MYO1B: variants seen among roughly 807,000 people sequenced by gnomAD.
MYO1B encodes unconventional myosin-Ib.
Under a neutral mutation model 159.7 loss-of-function variants are expected in MYO1B, and 72 were observed. The ratio of observed to expected loss-of-function variants is 0.45; its 90% confidence interval spans 0.37 to 0.55. The LOEUF (loss-of-function observed/expected upper bound fraction) is 0.55. MYO1B is among the 20% of genes least tolerant of loss of function. The pLI is 0.00. For missense variants in MYO1B, 1,062 were observed against 1,364.8 expected (o/e 0.78, Z 3.50); for synonymous variants, 468 against 473.8 (o/e 0.99, Z 0.16).
chr2:191,314,311 T>C (rs964981287), intron 3 of MYO1B, among the ~76,000 whole-genome samples: 1 of 152,370 alleles, frequency 6.6e-6, no homozygotes, highest in African/African-American at 2.4e-5. Context: ...TTTGGTTTAT[T>C]ATCAATAAAG....
chr2:191,326,768 A>ATGTGTG (rs1401808572), intron 3 of MYO1B, among the ~76,000 whole-genome samples: 19 of 109,122 alleles, frequency 1.7e-4, no homozygotes, highest in Admixed American at 9.3e-4. Flanking sequence ...GTGTTTGTAT[A>ATGTGTG]TATGTGTGTG....
intron 28 of MYO1B, 106 bp from the exon 29 acceptor site, chr2:191,414,411 G>A: frequency 8.8e-7 from 1 of 1,134,646 alleles, no homozygotes; most frequent in Middle Eastern, 2.4e-4. Context: ...ACATAGGTAT[G>A]TTTGTTGAAG....
Position 191,385,989 on chromosome 2 carries a change from C to T in MYO1B, c.1459C>T (p.Gln487Ter), listed in dbSNP as rs1462867425. 2 of 1,614,002 alleles carry T rather than the reference C, an allele frequency of 1.2e-6. No homozygotes were observed. Among genetic ancestry groups the T allele is most frequent in the African/African-American group, 1.3e-5 (1 of 74,914 alleles). ...GCTGAACCAAGTATGTGCCACCCAC[C>T]AGCATTTTGAGAGCAGGATGAGCAA... is the stretch of plus-strand genomic sequence containing the variant. ...EKLNQVCATH[Q>*]HFESRMSKCS... The change falls in exon 16 of 31, where the codon CAG (glutamine) becomes TAG (stop). Residue 487 changes from glutamine to a stop codon, truncating the protein, a stop_gained. Transcript: ENST00000392318. LOFTEE classifies it high-confidence loss of function.
At position 191,303,834 on chromosome 2, in the gene MYO1B, G is replaced by A. The variant is rs185225804; in HGVS notation, c.251+7608G>A. Among the ~76,000 whole-genome samples, 100 of 152,288 alleles carry A rather than the reference G, an allele frequency of 6.6e-4. 1 individual carries two copies. The East Asian group carries it at 0.013, about 20-fold the overall frequency. On this transcript the variant is annotated intron_variant, in intron 3 of 30. Coordinates refer to ENST00000392318, the MANE Select transcript of MYO1B (RefSeq NM_001130158.3). ...GCATCTGTCCAGGCCTCAGATCTACGCAAGTAGCTTGTACAGAAGGGGATT... is the reference window on the plus strand; with the variant it reads ...GCATCTGTCCAGGCCTCAGATCTACACAAGTAGCTTGTACAGAAGGGGATT...
rs1176849518 is a variant in MYO1B, at chr2:191,329,943, T to C, written c.260T>C (p.Leu87Pro). 6 of 1,610,594 alleles carry C rather than the reference T, an allele frequency of 3.7e-6. No individual in the cohort carries two copies. Among genetic ancestry groups the C allele is most frequent in the Non-Finnish European group, 3.4e-6 (4 of 1,178,052 alleles). The part of the protein sequence containing the change: ...FYELSPHIFA[L>P]SDEAYRSLRD... ...TCCATTATCCCCTGCAGCTTTGCCC[T>C]TTCGGATGAAGCATACAGATCCCTA... Residue 87 changes from leucine to proline, a missense_variant, in exon 4 of 31, where the codon CTT becomes CCT. Physicochemically the swap from Leu to Pro is moderately conservative, Grantham distance 98 (BLOSUM62 -3). Transcript: ENST00000392318.
chr2:191,263,328 A>G (rs1686937410), intron 1 of MYO1B: 1 of 985,146 alleles, frequency 1.0e-6, no homozygotes, highest in Non-Finnish European at 1.2e-6. Context: ...TCTCTTTCAT[A>G]TGAACTGAAG....
chr2:191,329,685 T>C (rs1163135733), intron 3 of MYO1B, among the ~76,000 whole-genome samples: 1 of 149,088 alleles, frequency 6.7e-6, no homozygotes, highest in African/African-American at 2.4e-5. Flanking sequence ...ATATAAAAAA[T>C]AAAGCATATC....
chr2:191,272,802 C>G (rs1687532815), intron 1 of MYO1B, among the ~76,000 whole-genome samples: 1 of 152,216 alleles, frequency 6.6e-6, no homozygotes, highest in African/African-American at 2.4e-5. Context: ...CACTATTTCA[C>G]TATTAAATAG....
chr2:191,381,545 G>T lies in MYO1B; in HGVS notation c.1269G>T (p.Glu423Asp). The T allele has an allele frequency of 6.2e-7, 1 of 1,611,902 alleles. No individual in the cohort carries two copies. The highest frequency in any genetic ancestry group is 8.5e-7 in the Non-Finnish European group (1 of 1,178,648). Residue 423 changes from glutamate to aspartate, a missense_variant, in exon 14 of 31, where the codon GAG becomes GAT. This residue lies in a region of MYO1B where 415 missense variants were observed against 544.0 expected (regional missense o/e 0.76). Coordinates refer to ENST00000392318, the MANE Select transcript of MYO1B (RefSeq NM_001130158.3). Reference protein sequence around the residue: ...QIFIELTLKEEQEEYIREDIE... With the variant: ...QIFIELTLKEDQEEYIREDIE... ...TCATTGAACTTACTCTTAAAGAAGAGCAGGAGGAGTATATACGGGAGGTAA... is the reference window on the plus strand; with the variant it reads ...TCATTGAACTTACTCTTAAAGAAGATCAGGAGGAGTATATACGGGAGGTAA...
At chr2:191,395,848 G>T (rs1696040542) in intron 20 of MYO1B, among the ~76,000 whole-genome samples, 1 of 152,186 alleles carries the variant, frequency 6.6e-6, no homozygotes, top group Non-Finnish European at 1.5e-5. Flanking sequence ...TTGAGGGCAG[G>T]GATGCAGTCA....
At chr2:191,251,299 G>A (rs188814307) in intron 1 of MYO1B, among the ~76,000 whole-genome samples, 45 of 152,348 alleles carry the variant, frequency 3.0e-4, no homozygotes, top group African/African-American at 9.1e-4. Context: ...CCTGGAGCTC[G>A]CTCAGATCTT....
intron 4 of MYO1B, among the ~76,000 whole-genome samples, chr2:191,330,955 T>C (rs931039932): frequency 6.6e-6 from 1 of 152,238 alleles, no homozygotes; most frequent in African/African-American, 2.4e-5. Flanking sequence ...CCATAGGTGT[T>C]GAGTCAACTG....
chr2:191,294,763 A>T (rs1282194682), intron 2 of MYO1B, among the ~76,000 whole-genome samples: 1 of 152,136 alleles, frequency 6.6e-6, no homozygotes, highest in Non-Finnish European at 1.5e-5. Context: ...TCCACCTTTG[A>T]CAAGATAGTA....
chr2:191,290,315 T>A (rs1311986250), intron 2 of MYO1B, among the ~76,000 whole-genome samples: 1 of 152,258 alleles, frequency 6.6e-6, no homozygotes, highest in African/African-American at 2.4e-5. Context: ...GTATATCACA[T>A]GTATGCAGAC....
intron 1 of MYO1B, among the ~76,000 whole-genome samples, chr2:191,255,223 C>T (rs1270837730): frequency 6.6e-6 from 1 of 152,142 alleles, no homozygotes; most frequent in East Asian, 1.9e-4. Context: ...GGCACTACAC[C>T]CATCCTGTAC....
intron 1 of MYO1B, among the ~76,000 whole-genome samples, chr2:191,252,270 T>C (rs577037114): frequency 5.0e-4 from 76 of 152,338 alleles, no homozygotes; most frequent in African/African-American, 1.7e-3. Context: ...ATTTTCAAAG[T>C]GTTGAGAGCT....
chr2:191,305,711 G>C (rs556559887), intron 3 of MYO1B, among the ~76,000 whole-genome samples: 1 of 152,300 alleles, frequency 6.6e-6, no homozygotes, highest in African/African-American at 2.4e-5. Flanking sequence ...GGTAGCCCTG[G>C]TGATTCCTTT....
At chr2:191,402,359 AG>A (rs1443823956) in intron 23 of MYO1B, 1 of 437,074 alleles carries the variant, frequency 2.3e-6, no homozygotes, top group Non-Finnish European at 4.1e-6. Context: ...AGGAGAAAAA[AG>A]GAAAGGAATG....
intron 7 of MYO1B, among the ~76,000 whole-genome samples, chr2:191,359,312 G>GTTTTTTT: frequency 7.4e-6 from 1 of 134,732 alleles, no homozygotes; most frequent in Non-Finnish European, 1.6e-5. Context: ...AACCTTTGGG[G>GTTTTTTT]TTTTTTTTTT....
Sources: allele counts gnomAD v4.1 joint callset (sites outside exome capture counted in the v4.1 genomes callset), GRCh38; gene constraint gnomAD v4.1.1; regional missense constraint gnomAD v4.1.1; transcripts MANE v1.5; gene names NCBI Gene and HGNC (gene_info 2026-07-23, HGNC 2026-07-21).